HDAC9: variants seen among roughly 807,000 people sequenced by gnomAD.
HDAC9 encodes the protein histone deacetylase 9.
Under a neutral mutation model 139.4 loss-of-function variants are expected in HDAC9, and 41 were observed. The observed-to-expected ratio is 0.29, with a 90% CI of 0.23 to 0.38. The LOEUF (loss-of-function observed/expected upper bound fraction) is 0.38. Among genes scored for constraint, HDAC9 ranks in the 10% least tolerant of loss-of-function variants. The probability of loss-of-function intolerance (pLI) is 1.00; values close to 1 mark genes in which losing one functional copy is unlikely to be tolerated. For synonymous variants in HDAC9, 517 were observed against 476.2 expected (o/e 1.09, Z -1.12); for missense variants, 1,147 against 1,297.0 (o/e 0.88, Z 1.78).
chr7:18,436,307 A>T (rs533918136), intron 1 of HDAC9, among the ~76,000 whole-genome samples: 1 of 152,252 alleles, frequency 6.6e-6, no homozygotes, highest in Admixed American at 6.5e-5. Context: ...TATTATTGCT[A>T]CCCCACAAAG....
chr7:18,953,183 A>G (rs1782920024), intron 23 of HDAC9, among the ~76,000 whole-genome samples: 1 of 152,082 alleles, frequency 6.6e-6, no homozygotes, highest in Non-Finnish European at 1.5e-5. Context: ...GTGCCATATT[A>G]TAGTTTGATC....
At chr7:18,865,738 G>A (rs1350444833) in intron 21 of HDAC9, among the ~76,000 whole-genome samples, 3 of 152,044 alleles carry the variant, frequency 2.0e-5, no homozygotes, top group Non-Finnish European at 4.4e-5. Context: ...TGTACTTCAT[G>A]CACAAACATA....
rs930353319 is a variant in HDAC9 at position 18,536,419 on chromosome 7, G to T, written c.22+40095G>T. 3.9e-5 allele frequency among the ~76,000 whole-genome samples: 6 copies of T among 152,114 alleles called. No individual in the cohort carries two copies. The South Asian group carries it at 6.2e-4, about 16-fold the overall frequency. On this transcript the variant is annotated intron_variant, in intron 2 of 25. Transcript: ENST00000686413. ...ATTTGGAAGAGCCCAAAATAAGAAA[G>T]AACTATTTAGATTTGGAGAACAATT...
intron 1 of HDAC9, among the ~76,000 whole-genome samples, chr7:18,156,311 A>G (rs1055707391): frequency 2.0e-5 from 3 of 152,202 alleles, no homozygotes; most frequent in African/African-American, 4.8e-5. Flanking sequence ...CTTGGTCAAC[A>G]TATTTCATGG....
At chr7:18,966,424 G>A (rs1339280371) in intron 24 of HDAC9, among the ~76,000 whole-genome samples, 5 of 152,036 alleles carry the variant, frequency 3.3e-5, no homozygotes, top group African/African-American at 9.7e-5. Context: ...GTTAGGGGTC[G>A]GGAGCCGGTG....
rs1381809049 is a variant in HDAC9 at position 18,732,541 on chromosome 7, T to C, written c.1909+4784T>C. Among the ~76,000 whole-genome samples the C allele has an allele frequency of 4.2e-4, 10 of 23,914 alleles. 1 individual carries two copies. The East Asian group carries it at 4.7e-3, about 11-fold the overall frequency. The allele number at this position is 23,914 out of a possible 152,430, so 15.7% of individuals were successfully genotyped here. A position where few individuals can be genotyped will look rare whatever the true frequency, so the allele number is the denominator to read the frequency against. On this transcript the variant is annotated intron_variant, in intron 13 of 25. Coordinates refer to ENST00000686413, the MANE Select transcript of HDAC9 (RefSeq NM_178425.4). The stretch of plus-strand genomic sequence containing the variant: ...CACTGTATGTATGTGTATATATGTG[T>C]ATATAATGTATATACACACGTGTAT...
intron 1 of HDAC9, among the ~76,000 whole-genome samples, chr7:18,405,131 G>C (rs1357338943): frequency 1.3e-5 from 2 of 152,156 alleles, no homozygotes; most frequent in African/African-American, 4.8e-5. Context: ...AGTGGCCCCC[G>C]GCAGGGAATT....
chr7:18,500,922 A>T (rs190466798), intron 2 of HDAC9, among the ~76,000 whole-genome samples: 54 of 152,262 alleles, frequency 3.5e-4, no homozygotes, highest in African/African-American at 1.3e-3. Context: ...TGAATCAAGA[A>T]TGGAAAATCA....
chr7:18,762,265 A>G lies in HDAC9; in HGVS notation c.2152A>G (p.Arg718Gly). The change falls in exon 15 of 26, where the codon AGG (arginine) becomes GGG (glycine). Residue 718 changes from arginine to glycine, a missense_variant. Around this residue, in one of 7 missense-constraint regions of HDAC9, gnomAD observed 407 missense variants for 521.5 expected, o/e 0.78. Transcript: ENST00000686413. ...NPLDGQKLDP[R>G]ILLGDDSQKF... Reference sequence around the variant, plus strand: ...CCTGGACGGACAGAAGCTGGACCCCAGGATACTCCTAGGTCTGTACGGGCC... The same window carrying G: ...CCTGGACGGACAGAAGCTGGACCCCGGGATACTCCTAGGTCTGTACGGGCC... The G allele has an allele frequency of 1.2e-6, 2 of 1,613,542 alleles. No individual in the cohort carries two copies. The highest frequency in any genetic ancestry group is 1.7e-6 in the Non-Finnish European group (2 of 1,179,652).
chr7:18,100,438 A>G (rs1189211968), intron 1 of HDAC9, among the ~76,000 whole-genome samples: 1 of 151,942 alleles, frequency 6.6e-6, no homozygotes, highest in Middle Eastern at 3.2e-3. Flanking sequence ...CTCCAGTTGC[A>G]TGTATATTAG....
At chr7:18,616,740 G>A (rs1838708116) in intron 6 of HDAC9, among the ~76,000 whole-genome samples, 1 of 152,150 alleles carries the variant, frequency 6.6e-6, no homozygotes, top group South Asian at 2.1e-4. Flanking sequence ...AGAGCAGGAA[G>A]CAAAGTGGTA....
At chr7:18,276,176 CTATT>C (rs983139799) in intron 2 of HDAC9, among the ~76,000 whole-genome samples, 1 of 152,068 alleles carries the variant, frequency 6.6e-6, no homozygotes, top group Non-Finnish European at 1.5e-5. Flanking sequence ...GATTTTATAT[CTATT>C]CTTATACTAT....
At chr7:18,214,443 A>G (rs746665427) in intron 2 of HDAC9, among the ~76,000 whole-genome samples, 10 of 152,136 alleles carry the variant, frequency 6.6e-5, no homozygotes, top group African/African-American at 1.2e-4. Flanking sequence ...TTTTAAGCTC[A>G]GATTGTATGT....
intron 13 of HDAC9, among the ~76,000 whole-genome samples, chr7:18,748,444 G>A (rs373019458): frequency 2.6e-5 from 4 of 152,250 alleles, no homozygotes; most frequent in African/African-American, 9.6e-5. Flanking sequence ...AAATTATGGG[G>A]AGAAACACAA....
At chr7:18,480,284 T>G (rs1339507836) in intron 1 of HDAC9, among the ~76,000 whole-genome samples, 2 of 152,160 alleles carry the variant, frequency 1.3e-5, no homozygotes, top group African/African-American at 2.4e-5. Context: ...TGCCCCAGAT[T>G]ATGAAATTAG....
intron 2 of HDAC9, among the ~76,000 whole-genome samples, chr7:18,508,026 T>G (rs1800334474): frequency 6.6e-6 from 1 of 152,204 alleles, no homozygotes; most frequent in African/African-American, 2.4e-5. Flanking sequence ...GAGTCATTTA[T>G]CGGTTCATTT....
Position 18,840,974 on chromosome 7 carries a change from CAT to C in HDAC9, c.2684+4980_2684+4981del, listed in dbSNP as rs527314849. On this transcript the variant is annotated intron_variant, in intron 21 of 25. Coordinates refer to ENST00000686413, the MANE Select transcript of HDAC9 (RefSeq NM_178425.4). ...AGAATGAAATAAAACCTTTTATTGT[CAT>C]ATCCACACTGCAAGTGCTCCTTGGA... Among the ~76,000 whole-genome samples, 28 of 152,172 alleles carry C rather than the reference CAT, an allele frequency of 1.8e-4. 1 individual carries two copies. The South Asian group carries it at 5.6e-3, about 30-fold the overall frequency.
chr7:18,543,559 A>G (rs1430574925), intron 2 of HDAC9: 2 of 152,196 alleles, frequency 1.3e-5, no homozygotes, highest in African/African-American at 4.8e-5. Flanking sequence ...GTGACACCAC[A>G]TGCAGATCTG....
intron 2 of HDAC9, among the ~76,000 whole-genome samples, chr7:18,231,704 T>C (rs1011166350): frequency 5.3e-5 from 8 of 152,170 alleles, no homozygotes; most frequent in Non-Finnish European, 8.8e-5. Flanking sequence ...AGTTGGGAGC[T>C]AGGAAATGCA....
Sources: allele counts gnomAD v4.1 joint callset (sites outside exome capture counted in the v4.1 genomes callset), GRCh38; gene constraint gnomAD v4.1.1; regional missense constraint gnomAD v4.1.1; transcripts MANE v1.5; gene names NCBI Gene and HGNC (gene_info 2026-07-23, HGNC 2026-07-21).